Variants in BMP5 observed in about 807,000 individuals in gnomAD.
BMP5 encodes the protein bone morphogenetic protein 5.
Under a neutral mutation model 46.6 loss-of-function variants are expected in BMP5, and 23 were observed. The observed-to-expected ratio is 0.49, with a 90% CI of 0.35 to 0.70. The LOEUF is 0.70. Ranked by LOEUF, BMP5 falls within the 30% of genes least tolerant of loss-of-function variation. The probability of loss-of-function intolerance (pLI) is 0.00; values close to 1 mark genes in which losing one functional copy is unlikely to be tolerated. For missense variants in BMP5, 545 were observed against 565.6 expected (o/e 0.96, Z 0.37); for synonymous variants, 204 against 191.9 (o/e 1.06, Z -0.52).
intron 3 of BMP5, among the ~76,000 whole-genome samples, chr6:55,788,280 T>C (rs1420066839): frequency 2.0e-5 from 3 of 151,726 alleles, no homozygotes; most frequent in Admixed American, 2.0e-4. Context: ...CAAAAATATG[T>C]TGTTTTTCTA....
chr6:55,797,656 G>T (rs1384569548), intron 2 of BMP5, among the ~76,000 whole-genome samples: 2 of 132,530 alleles, frequency 1.5e-5, no homozygotes, highest in Admixed American at 8.9e-5. Context: ...TAGCTCTGTC[G>T]CCCAGGCTGG....
At chr6:55,758,177 C>T (rs555443440) in intron 6 of BMP5, among the ~76,000 whole-genome samples, 1 of 151,950 alleles carries the variant, frequency 6.6e-6, no homozygotes, top group East Asian at 1.9e-4. Flanking sequence ...GTGTTCTCTC[C>T]CATTCTTCTT....
intron 3 of BMP5, among the ~76,000 whole-genome samples, chr6:55,791,285 G>T (rs1317813731): frequency 6.6e-6 from 1 of 152,162 alleles, no homozygotes; most frequent in Admixed American, 6.5e-5. Flanking sequence ...GGTGCCCAGA[G>T]AATCAGTTGC....
intron 1 of BMP5, among the ~76,000 whole-genome samples, chr6:55,829,987 G>A (rs1466302307): frequency 1.3e-5 from 2 of 151,850 alleles, no homozygotes; most frequent in East Asian, 1.9e-4. Flanking sequence ...GTTGTTTTGT[G>A]TGTTTCTTTT....
chr6:55,870,681 T>C (rs990006331), intron 1 of BMP5, among the ~76,000 whole-genome samples: 2 of 152,128 alleles, frequency 1.3e-5, no homozygotes, highest in Admixed American at 6.6e-5. Context: ...TAATAAATTA[T>C]CAATGATGTC....
intron 1 of BMP5, among the ~76,000 whole-genome samples, chr6:55,865,917 C>G (rs1282054050): frequency 6.6e-6 from 1 of 152,132 alleles, no homozygotes; most frequent in African/African-American, 2.4e-5. Flanking sequence ...ACCAGTCTGG[C>G]TCCAAAACCC....
chr6:55,759,208 TA>T (rs935679456), intron 5 of BMP5, 93 bp from the exon 6 acceptor site: 15 of 630,136 alleles, frequency 2.4e-5, no homozygotes, highest in Non-Finnish European at 3.1e-5. Context: ...ATCACCAAAG[TA>T]AAAATTTTTA....
intron 1 of BMP5, among the ~76,000 whole-genome samples, chr6:55,866,221 C>G (rs1197254650): frequency 2.0e-5 from 3 of 152,078 alleles, no homozygotes; most frequent in Non-Finnish European, 4.4e-5. Flanking sequence ...AGGAGTTGTT[C>G]TATTCAGTGT....
chr6:55,861,244 C>T (rs1231993545), intron 1 of BMP5, among the ~76,000 whole-genome samples: 2 of 152,148 alleles, frequency 1.3e-5, no homozygotes, highest in Non-Finnish European at 2.9e-5. Flanking sequence ...TGGCCAATCC[C>T]CAGTGGGGTC....
chr6:55,830,500 C>T (rs529606972), intron 1 of BMP5, among the ~76,000 whole-genome samples: 11 of 152,158 alleles, frequency 7.2e-5, no homozygotes, highest in Non-Finnish European at 4.4e-5. Flanking sequence ...AATATACAAA[C>T]CCTTCAAGTT....
At chr6:55,829,009 A>T (rs1776596720) in intron 1 of BMP5, among the ~76,000 whole-genome samples, 1 of 151,882 alleles carries the variant, frequency 6.6e-6, no homozygotes, top group Non-Finnish European at 1.5e-5. Context: ...TGTGATTATC[A>T]TATGGAATAA....
intron 2 of BMP5, among the ~76,000 whole-genome samples, chr6:55,801,366 T>A (rs1775845361): frequency 6.6e-6 from 1 of 152,228 alleles, no homozygotes; most frequent in South Asian, 2.1e-4. Context: ...CCTCTGAATC[T>A]AGGGCAAGGC....
chr6:55,817,417 G>A (rs1040568533), intron 2 of BMP5, among the ~76,000 whole-genome samples: 1 of 152,134 alleles, frequency 6.6e-6, no homozygotes, highest in African/African-American at 2.4e-5. Context: ...ATACTATGCA[G>A]CCATAAAAAA....
intron 1 of BMP5, among the ~76,000 whole-genome samples, chr6:55,826,211 A>C (rs1776527711): frequency 6.6e-6 from 1 of 151,812 alleles, no homozygotes; most frequent in Non-Finnish European, 1.5e-5. Flanking sequence ...AATACACAGT[A>C]ATATGTGACC....
chr6:55,848,380 AAC>A (rs1777147762), intron 1 of BMP5, among the ~76,000 whole-genome samples: 1 of 152,030 alleles, frequency 6.6e-6, no homozygotes, highest in Non-Finnish European at 1.5e-5. Flanking sequence ...ATTTAGTAAT[AAC>A]ACACAAAATT....
intron 4 of BMP5, chr6:55,772,953 TC>T: frequency 1.0e-6 from 1 of 981,866 alleles, no homozygotes; most frequent in Non-Finnish European, 1.2e-6. Context: ...GTCATCTATT[TC>T]TTATCTAAAC....
At chr6:55,869,465 C>A (rs756060423) in intron 1 of BMP5, among the ~76,000 whole-genome samples, 2 of 151,772 alleles carry the variant, frequency 1.3e-5, no homozygotes, top group Non-Finnish European at 2.9e-5. Context: ...TATTCTTTCT[C>A]ATTATCTCTT....
At chr6:55,773,180 A>T (rs935100641) in intron 4 of BMP5, among the ~76,000 whole-genome samples, 5 of 151,978 alleles carry the variant, frequency 3.3e-5, no homozygotes, top group Admixed American at 6.6e-5. Context: ...ATTATCACAG[A>T]AGAATGCATA....
chr6:55,834,648 G>A (rs112007297), intron 1 of BMP5, among the ~76,000 whole-genome samples: 74 of 152,050 alleles, frequency 4.9e-4, no homozygotes, highest in African/African-American at 1.7e-3. Flanking sequence ...GGGAATACAC[G>A]CCATCCTTTC....
Sources: allele counts gnomAD v4.1 joint callset (sites outside exome capture counted in the v4.1 genomes callset), GRCh38; gene constraint gnomAD v4.1.1; transcripts MANE v1.5; gene names NCBI Gene and HGNC (gene_info 2026-07-23, HGNC 2026-07-21).